The following HMGCLL1 variants were observed in gnomAD, a reference collection of about 807,000 sequenced individuals.
HMGCLL1 encodes 3-hydroxymethyl-3-methylglutaryl-CoA lyase, cytoplasmic.
Under a neutral mutation model 39.1 loss-of-function variants are expected in HMGCLL1, and 36 were observed. The ratio of observed to expected loss-of-function variants is 0.92; its 90% CI spans 0.71 to 1.22. The LOEUF is 1.22. HMGCLL1 is among the 50% of genes most tolerant of loss of function. The pLI is 0.00. For missense variants in HMGCLL1, 451 were observed against 416.5 expected, an observed-to-expected ratio of 1.08 and a Z score of -0.72; for synonymous variants, 149 against 144.0, an observed-to-expected ratio of 1.03 and a Z score of -0.25.
At chr6:55,578,840 G>A in intron 1 of HMGCLL1, 108 bp downstream of exon 1, 2 of 773,804 alleles carry the variant, frequency 2.6e-6, no homozygotes, top group Middle Eastern at 2.3e-4. Context: ...AGGGTCCTGG[G>A]GTGAGGAGGT....
the HMGCLL1 span, among the ~76,000 whole-genome samples, chr6:55,588,127 A>G: frequency 6.6e-6 from 1 of 152,184 alleles, no homozygotes; most frequent in East Asian, 1.9e-4. Context: ...CACCACACCT[A>G]TTCCAAAATT....
chr6:55,531,022 A>C (rs9475342), intron 3 of HMGCLL1, among the ~76,000 whole-genome samples: 102,076 of 151,968 alleles, frequency 0.67, 34,499 homozygotes, highest in Admixed American at 0.72. Context: ...ACTGCTAGAA[A>C]ATACTCAAAA....
At chr6:55,554,986 C>G (rs1474872477) in intron 1 of HMGCLL1, among the ~76,000 whole-genome samples, 1 of 152,186 alleles carries the variant, frequency 6.6e-6, no homozygotes, top group Non-Finnish European at 1.5e-5. Context: ...TTGCCACCTC[C>G]TCTGCAAGGC....
the HMGCLL1 span, among the ~76,000 whole-genome samples, chr6:55,624,324 G>T: frequency 2.0e-5 from 3 of 152,158 alleles, no homozygotes; most frequent in African/African-American, 7.2e-5. Context: ...AATTGCAGCT[G>T]CTGTACTAGA....
At chr6:55,658,896 C>T in the HMGCLL1 span, among the ~76,000 whole-genome samples, 5 of 151,914 alleles carry the variant, frequency 3.3e-5, no homozygotes, top group African/African-American at 7.2e-5. Context: ...CAAAGCACAG[C>T]GACCCAGACT....
chr6:55,574,265 T>A (rs1427106383), intron 1 of HMGCLL1, among the ~76,000 whole-genome samples: 2 of 151,214 alleles, frequency 1.3e-5, no homozygotes, highest in African/African-American at 4.9e-5. Context: ...GAGGAAAAAA[T>A]GGAGATGAAG....
chr6:55,649,449 G>A, the HMGCLL1 span, among the ~76,000 whole-genome samples: 4 of 150,702 alleles, frequency 2.7e-5, no homozygotes, highest in African/African-American at 9.8e-5. Context: ...TTCCCCTGAA[G>A]TCTGCTGCTC....
At chr6:55,670,926 A>G in the HMGCLL1 span, among the ~76,000 whole-genome samples, 6 of 151,822 alleles carry the variant, frequency 4.0e-5, no homozygotes, top group Non-Finnish European at 7.4e-5. Flanking sequence ...AACTCACTTC[A>G]AATATAATGA....
At chr6:55,650,120 TA>T in the HMGCLL1 span, among the ~76,000 whole-genome samples, 70 of 79,918 alleles carry the variant, frequency 8.8e-4, 5 homozygotes, top group Admixed American at 3.6e-3. Flanking sequence ...TATATATATA[TA>T]TATATATATA....
At chr6:55,663,931 C>T in the HMGCLL1 span, among the ~76,000 whole-genome samples, 1,217 of 151,956 alleles carry the variant, frequency 8.0e-3, 8 homozygotes, top group Non-Finnish European at 0.011. Flanking sequence ...TAATGCCCTT[C>T]TTTCTCTGTT....
chr6:55,475,874 T>A (rs1765261889), intron 7 of HMGCLL1, among the ~76,000 whole-genome samples: 1 of 151,716 alleles, frequency 6.6e-6, no homozygotes, highest in Non-Finnish European at 1.5e-5. Flanking sequence ...AGTGTAGTGA[T>A]GCTTTTCTCA....
intron 1 of HMGCLL1, among the ~76,000 whole-genome samples, chr6:55,555,967 C>T (rs151050573): frequency 3.9e-4 from 59 of 152,224 alleles, no homozygotes; most frequent in African/African-American, 1.3e-3. Flanking sequence ...ATTGGTATTA[C>T]TGGCCATAAT....
the HMGCLL1 span, among the ~76,000 whole-genome samples, chr6:55,621,234 A>T: frequency 2.6e-5 from 4 of 152,126 alleles, no homozygotes; most frequent in African/African-American, 9.7e-5. Context: ...TTTTAACAAC[A>T]TTGATTATTC....
chr6:55,489,266 C>A (rs1766196205), intron 7 of HMGCLL1, among the ~76,000 whole-genome samples: 1 of 151,868 alleles, frequency 6.6e-6, no homozygotes, highest in Non-Finnish European at 1.5e-5. Flanking sequence ...CAAATTAAGG[C>A]CATATGTGTT....
At chr6:55,655,289 A>G in the HMGCLL1 span, among the ~76,000 whole-genome samples, 1,489 of 152,074 alleles carry the variant, frequency 9.8e-3, 25 homozygotes, top group African/African-American at 0.023. Context: ...TTTACTCACC[A>G]AACCTATTCA....
the HMGCLL1 span, among the ~76,000 whole-genome samples, chr6:55,659,194 A>G: frequency 6.6e-6 from 1 of 152,046 alleles, no homozygotes; most frequent in South Asian, 2.1e-4. Context: ...AGCTTATGCA[A>G]TTGAGTGGAT....
At chr6:55,579,236 G>T, upstream of HMGCLL1, 1 of 600,472 alleles carries the variant, frequency 1.7e-6, no homozygotes, top group Non-Finnish European at 3.0e-6. Flanking sequence ...GGCGTGGCAG[G>T]TGGCCGCGCC....
chr6:55,496,123 C>A (rs943046184), intron 6 of HMGCLL1, among the ~76,000 whole-genome samples: 2 of 151,930 alleles, frequency 1.3e-5, no homozygotes, highest in African/African-American at 2.4e-5. Context: ...TCCACTTGTA[C>A]GTGATTTTTT....
chr6:55,613,103 A>G, the HMGCLL1 span, among the ~76,000 whole-genome samples: 1 of 152,220 alleles, frequency 6.6e-6, no homozygotes. Context: ...CAAATTCACA[A>G]GAAAAAAAAC....
Sources: gnomAD v4.1 joint callset for allele counts (sites outside exome capture counted in the v4.1 genomes callset) on GRCh38, gnomAD v4.1.1 for gene constraint, MANE v1.5 for transcripts, NCBI Gene and HGNC (gene_info 2026-07-23, HGNC 2026-07-21) for gene names.